DYNC2LI1: variants seen among roughly 807,000 people sequenced by gnomAD.
The protein encoded by DYNC2LI1 is cytoplasmic dynein 2 light intermediate chain 1.
A neutral mutation model predicts 51.9 loss-of-function variants in DYNC2LI1; 45 were observed. That is an observed-to-expected ratio of 0.87 (90% confidence interval 0.68 to 1.11). DYNC2LI1 has a LOEUF of 1.11. Among genes scored for constraint, DYNC2LI1 ranks in the 50% most tolerant of loss-of-function variants. DYNC2LI1 has a pLI of 0.00. For missense variants in DYNC2LI1, 490 were observed against 417.4 expected (o/e 1.17, Z -1.51); for synonymous variants, 130 against 137.8 (o/e 0.94, Z 0.40).
chr2:43,780,411 A>C (rs1673222635), intron 2 of DYNC2LI1, among the ~76,000 whole-genome samples: 1 of 152,198 alleles, frequency 6.6e-6, no homozygotes. Context: ...ATTGTGAGCC[A>C]GAAGAGATGA....
the DYNC2LI1 span, chr2:43,822,786 C>A: frequency 6.2e-7 from 1 of 1,614,100 alleles, no homozygotes; most frequent in Non-Finnish European, 8.5e-7. Context: ...GTGAACTGAA[C>A]AACCCCTCAC....
intron 2 of DYNC2LI1, among the ~76,000 whole-genome samples, chr2:43,779,499 G>A (rs1464900113): frequency 1.3e-5 from 2 of 152,170 alleles, no homozygotes; most frequent in African/African-American, 4.8e-5. Context: ...GTGGAAACAG[G>A]AATGAAAGGC....
the DYNC2LI1 span, among the ~76,000 whole-genome samples, chr2:43,815,365 A>G: frequency 6.6e-6 from 1 of 152,208 alleles, no homozygotes; most frequent in South Asian, 2.1e-4. Context: ...TCCTATCCCT[A>G]AAGAACTCAT....
chr2:43,800,565 C>G (rs1002749491), intron 8 of DYNC2LI1, among the ~76,000 whole-genome samples: 4 of 152,068 alleles, frequency 2.6e-5, no homozygotes, highest in Non-Finnish European at 4.4e-5. Context: ...AATTATTTGA[C>G]AGTGATTATG....
chr2:43,783,739 A>G (rs1278477389), intron 3 of DYNC2LI1, among the ~76,000 whole-genome samples, 185 bp downstream of exon 3: 2 of 152,236 alleles, frequency 1.3e-5, no homozygotes, highest in Non-Finnish European at 2.9e-5. Flanking sequence ...TAAGCCAAAA[A>G]TTATATGAGA....
At chr2:43,775,031 G>A (rs547384610) in intron 1 of DYNC2LI1, among the ~76,000 whole-genome samples, 1 of 124,616 alleles carries the variant, frequency 8.0e-6, no homozygotes, top group Admixed American at 8.1e-5. Context: ...CTTATTCCTG[G>A]TTCTTGAATA....
chr2:43,782,160 C>G (rs938747748), intron 2 of DYNC2LI1, among the ~76,000 whole-genome samples: 2 of 152,034 alleles, frequency 1.3e-5, no homozygotes, highest in African/African-American at 4.8e-5. Context: ...GTATATTATT[C>G]TATTATATGG....
At chr2:43,788,789 A>G (rs3792023) in intron 4 of DYNC2LI1, among the ~76,000 whole-genome samples, 1 of 151,776 alleles carries the variant, frequency 6.6e-6, no homozygotes, top group East Asian at 1.9e-4. Flanking sequence ...GTACCACCAC[A>G]CTCAGCTAAT....
chr2:43,814,076 T>C (rs1666664227), downstream of DYNC2LI1, among the ~76,000 whole-genome samples: 1 of 152,126 alleles, frequency 6.6e-6, no homozygotes, highest in Non-Finnish European at 1.5e-5. Context: ...TCTGGTGGGA[T>C]TGAGGAATAG....
At position 43,796,797 on chromosome 2, in the gene DYNC2LI1, T is replaced by A; in HGVS notation, c.654+2T>A. 1 of 1,612,762 alleles carries A rather than the reference T, an allele frequency of 6.2e-7. No homozygotes were observed. ...CATTATTATGGAGCATCATTAATGGTTTGTACATTTCTTGTCCTTTGGGCT... is the reference window on the plus strand; with the variant it reads ...CATTATTATGGAGCATCATTAATGGATTGTACATTTCTTGTCCTTTGGGCT... On this transcript the variant is annotated splice_donor_variant, in intron 8 of 12. Coordinates refer to ENST00000260605, the MANE Select transcript of DYNC2LI1 (RefSeq NM_016008.4). LOFTEE classifies it high-confidence loss of function.
intron 10 of DYNC2LI1, among the ~76,000 whole-genome samples, chr2:43,804,397 T>C (rs926523050): frequency 6.6e-6 from 1 of 152,150 alleles, no homozygotes; most frequent in East Asian, 1.9e-4. Flanking sequence ...CAGGTATAGG[T>C]ATAGGGTGTG....
At position 43,774,060 on chromosome 2, in the gene DYNC2LI1, C is replaced by A. The variant is rs1558655692; in HGVS notation, c.-79C>A. The A allele has an allele frequency of 6.3e-7, 1 of 1,598,500 alleles. No homozygotes were observed. Among genetic ancestry groups the A allele is most frequent in the African/African-American group, 1.3e-5 (1 of 74,612 alleles). ...ACCCAGAAGGCCTCACTCCCAGACT[C>A]CTTGCGGAGCTCGCCGCCTGATTCT... On this transcript the variant is annotated 5_prime_UTR_variant, in exon 1 of 13. Coordinates refer to ENST00000260605, the MANE Select transcript of DYNC2LI1 (RefSeq NM_016008.4).
intron 2 of DYNC2LI1, among the ~76,000 whole-genome samples, chr2:43,780,822 G>A (rs761371448): frequency 2.0e-5 from 3 of 152,086 alleles, no homozygotes; most frequent in South Asian, 2.1e-4. Context: ...GGCGATTGAG[G>A]CAATGGGAGG....
chr2:43,798,363 C>T (rs1008563090), intron 8 of DYNC2LI1, among the ~76,000 whole-genome samples: 1 of 152,120 alleles, frequency 6.6e-6, no homozygotes, highest in Non-Finnish European at 1.5e-5. Flanking sequence ...TATTTGCTTA[C>T]GTATTAGGTT....
intron 1 of DYNC2LI1, among the ~76,000 whole-genome samples, 169 bp from the exon 2 acceptor site, chr2:43,776,613 A>G (rs1172844270): frequency 1.3e-5 from 2 of 152,244 alleles, no homozygotes; most frequent in Non-Finnish European, 2.9e-5. Flanking sequence ...AAAGAAAAAT[A>G]AAATCATAGA....
At chr2:43,824,021 G>A in the DYNC2LI1 span, 45 of 1,614,048 alleles carry the variant, frequency 2.8e-5, no homozygotes, top group Non-Finnish European at 3.1e-5. Flanking sequence ...CTTCGGACCC[G>A]CAGAACGAAG....
At chr2:43,824,396 C>A in the DYNC2LI1 span, 2 of 1,614,048 alleles carry the variant, frequency 1.2e-6, no homozygotes, top group Non-Finnish European at 1.7e-6. Context: ...TTCTATTTCC[C>A]GTTCCTTGCT....
chr2:43,798,093 C>G (rs10201405), intron 8 of DYNC2LI1, among the ~76,000 whole-genome samples: 24,404 of 151,380 alleles, frequency 0.16, 2,947 homozygotes, highest in African/African-American at 0.32. Flanking sequence ...CACCACTGCA[C>G]TCCAGACTGG....
Position 43,776,897 on chromosome 2 carries a change from G to A in DYNC2LI1, c.124G>A (p.Gly42Arg). The stretch of plus-strand genomic sequence containing the variant: ...TGTTTTCTTCATTGGCAGTAAAAAT[G>A]GGGTAATGCTTTCTTTTTTTCAATT... ...KFVFFIGSKN[G>R]GKTTIILRCL... is the part of the protein sequence containing the mutation. The change falls in exon 2 of 13, where the codon GGG becomes AGG. Residue 42 changes from glycine to arginine, a missense_variant and splice_region_variant. Coordinates refer to ENST00000260605, the MANE Select transcript of DYNC2LI1 (RefSeq NM_016008.4). The A allele has an allele frequency of 6.9e-7, 1 of 1,446,084 alleles. No homozygotes were observed. The highest frequency in any genetic ancestry group is 9.6e-7 in the Non-Finnish European group (1 of 1,037,878). 89.6% of individuals were successfully genotyped at this position (1,446,084 alleles called of 1,614,324 possible). A position where few individuals can be genotyped will look rare whatever the true frequency, so the allele number is the denominator to read the frequency against.
Sources: gnomAD v4.1 joint callset for allele counts (sites outside exome capture counted in the v4.1 genomes callset) on GRCh38, gnomAD v4.1.1 for gene constraint, MANE v1.5 for transcripts, NCBI Gene and HGNC (gene_info 2026-07-23, HGNC 2026-07-21) for gene names.